ANKRD29: variants seen among roughly 807,000 people sequenced by gnomAD.
ANKRD29 encodes the protein ankyrin repeat domain-containing protein 29.
A neutral mutation model predicts 38.0 loss-of-function variants in ANKRD29; 32 were observed. The observed-to-expected ratio is 0.84, with a 90% CI of 0.64 to 1.13. The LOEUF (loss-of-function observed/expected upper bound fraction) is 1.13, where lower values mean the gene tolerates loss of function less well. Ranked by LOEUF, ANKRD29 falls within the 50% of genes most tolerant of loss-of-function variation. The pLI is 0.00. For missense variants in ANKRD29, 357 were observed against 377.9 expected (o/e 0.94, Z 0.46); for synonymous variants, 135 against 152.4 (o/e 0.89, Z 0.84).
chr18:23,616,107 C>T (rs8099251), intron 8 of ANKRD29, among the ~76,000 whole-genome samples: 1 of 121,534 alleles, frequency 8.2e-6, no homozygotes, highest in African/African-American at 3.0e-5. Flanking sequence ...TGTATGTATG[C>T]ATACTCTACA....
intron 1 of ANKRD29, among the ~76,000 whole-genome samples, chr18:23,662,402 C>T (rs2060375223): frequency 6.6e-6 from 1 of 152,160 alleles, no homozygotes; most frequent in Non-Finnish European, 1.5e-5. Flanking sequence ...GGCTTCTTAC[C>T]CGCCCCCGAC....
intron 1 of ANKRD29, among the ~76,000 whole-genome samples, chr18:23,658,840 C>T (rs1038865648): frequency 2.0e-5 from 3 of 152,194 alleles, no homozygotes; most frequent in Non-Finnish European, 4.4e-5. Flanking sequence ...GGAAACGGGG[C>T]ATGCACAGGT....
chr18:23,628,413 C>A (rs1483357281), intron 6 of ANKRD29, among the ~76,000 whole-genome samples: 1 of 152,138 alleles, frequency 6.6e-6, no homozygotes, highest in Non-Finnish European at 1.5e-5. Context: ...TATGTGAACA[C>A]AGAGAGGCAT....
At chr18:23,640,312 T>C (rs1219288053) in intron 3 of ANKRD29, among the ~76,000 whole-genome samples, 1 of 152,218 alleles carries the variant, frequency 6.6e-6, no homozygotes, top group Non-Finnish European at 1.5e-5. Context: ...CCTCCAGATC[T>C]GAGAGAATAA....
intron 3 of ANKRD29, among the ~76,000 whole-genome samples, chr18:23,645,032 G>A (rs1374398590): frequency 6.6e-6 from 1 of 152,178 alleles, no homozygotes; most frequent in Non-Finnish European, 1.5e-5. Flanking sequence ...ATACTGGCTT[G>A]ATGAAAGTTT....
At chr18:23,660,904 G>C (rs2060351854) in intron 1 of ANKRD29, among the ~76,000 whole-genome samples, 1 of 152,184 alleles carries the variant, frequency 6.6e-6, no homozygotes, top group Admixed American at 6.5e-5. Context: ...TCAAGCTATT[G>C]CAATCTGGCT....
chr18:23,662,660 G>T, intron 1 of ANKRD29, 50 bp downstream of exon 1: 1 of 770,964 alleles, frequency 1.3e-6, no homozygotes, highest in Non-Finnish European at 1.7e-6. Context: ...CCGCGGGCCC[G>T]GCCGCCCGAG....
intron 5 of ANKRD29, 131 bp downstream of exon 5, chr18:23,633,920 T>A (rs1017176060): frequency 2.3e-6 from 2 of 864,926 alleles, no homozygotes; most frequent in Admixed American, 2.1e-5. Flanking sequence ...TATATATTTT[T>A]CTCTTGACTC....
chr18:23,609,194 T>A (rs1262610153), intron 9 of ANKRD29: 1 of 151,964 alleles, frequency 6.6e-6, no homozygotes, highest in African/African-American at 2.4e-5. Context: ...TTGTAAGACC[T>A]AAGATTAGTG....
intron 9 of ANKRD29, among the ~76,000 whole-genome samples, chr18:23,608,975 T>A (rs1200267763): frequency 1.3e-5 from 2 of 151,864 alleles, no homozygotes; most frequent in African/African-American, 4.8e-5. Flanking sequence ...GCCCCTGTAA[T>A]CCCAGCTACT....
At chr18:23,603,335 C>T (rs1599048998) in intron 9 of ANKRD29, among the ~76,000 whole-genome samples, 3 of 152,178 alleles carry the variant, frequency 2.0e-5, no homozygotes, top group Admixed American at 1.3e-4. Flanking sequence ...TGTGCAATAT[C>T]AAAAACTCAC....
intron 9 of ANKRD29, among the ~76,000 whole-genome samples, chr18:23,606,089 C>T (rs184009780): frequency 1.3e-5 from 2 of 152,228 alleles, no homozygotes; most frequent in East Asian, 1.9e-4. Context: ...AATGTCAGCA[C>T]AGTGAAAAAG....
rs932944031 is a variant in ANKRD29, at chr18:23,624,177, A to G, written c.529-4548T>C. The stretch of plus-strand genomic sequence containing the variant: ...AACCTCTACAGCACTTTTTTTAAAA[A>G]GGTAATGGCCAGGCATGGTGGTTCA... On this transcript the variant is annotated intron_variant, in intron 6 of 9. Coordinates refer to ENST00000592179, the MANE Select transcript of ANKRD29 (RefSeq NM_173505.4). Among the ~76,000 whole-genome samples the G allele has an allele frequency of 5.9e-5, 9 of 151,854 alleles. No individual in the cohort carries two copies. The South Asian group carries it at 1.9e-3, about 32-fold the overall frequency.
chr18:23,626,462 C>T (rs2059863511), intron 6 of ANKRD29, among the ~76,000 whole-genome samples: 1 of 152,162 alleles, frequency 6.6e-6, no homozygotes, highest in African/African-American at 2.4e-5. Flanking sequence ...GAAATAGCCA[C>T]TCAGCTAGTG....
At chr18:23,606,278 T>C (rs1265193839) in intron 9 of ANKRD29, among the ~76,000 whole-genome samples, 2 of 152,078 alleles carry the variant, frequency 1.3e-5, no homozygotes, top group African/African-American at 4.8e-5. Context: ...TGCCCAGCTA[T>C]GTTTTTTGTT....
intron 1 of ANKRD29, among the ~76,000 whole-genome samples, chr18:23,651,534 T>C (rs1401500656): frequency 1.3e-5 from 2 of 152,146 alleles, no homozygotes; most frequent in Non-Finnish European, 2.9e-5. Context: ...AGGCAGACAA[T>C]GTAATATGCA....
intron 2 of ANKRD29, 138 bp from the exon 3 acceptor site, chr18:23,646,425 C>T: frequency 1.7e-6 from 1 of 593,886 alleles, no homozygotes. Context: ...TAAAAGTGGT[C>T]ATGAATAATC....
chr18:23,617,136 G>C (rs2059733933), intron 8 of ANKRD29, among the ~76,000 whole-genome samples: 1 of 152,162 alleles, frequency 6.6e-6, no homozygotes, highest in Non-Finnish European at 1.5e-5. Flanking sequence ...AGAATCACTT[G>C]AACCTGGGAG....
chr18:23,639,710 AT>A (rs1016244557), intron 3 of ANKRD29, among the ~76,000 whole-genome samples: 1 of 151,830 alleles, frequency 6.6e-6, no homozygotes. Flanking sequence ...TATTTTTTGT[AT>A]TTTTAGTAGA....
Sources: gnomAD v4.1 joint callset for allele counts (sites outside exome capture counted in the v4.1 genomes callset) on GRCh38, gnomAD v4.1.1 for gene constraint, MANE v1.5 for transcripts, NCBI Gene and HGNC (gene_info 2026-07-23, HGNC 2026-07-21) for gene names.